Variants in OTOGL observed in about 807,000 individuals in gnomAD.
OTOGL encodes otogelin-like protein.
Under a neutral mutation model 318.5 loss-of-function variants are expected in OTOGL, and 285 were observed. That is an observed-to-expected ratio of 0.89 (90% CI 0.81 to 0.99). The LOEUF is 0.99. Among genes scored for constraint, OTOGL ranks in the 50% least tolerant of loss-of-function variants. The probability of loss-of-function intolerance (pLI) is 0.00; values close to 1 mark genes in which losing one functional copy is unlikely to be tolerated. For synonymous variants in OTOGL, 987 were observed against 936.5 expected (o/e 1.05, Z -0.99); for missense variants, 2,899 against 2,845.6 (o/e 1.02, Z -0.43).
intron 11 of OTOGL, among the ~76,000 whole-genome samples, chr12:80,250,023 TC>T (rs1407554802): frequency 6.6e-6 from 1 of 152,008 alleles, no homozygotes; most frequent in Non-Finnish European, 1.5e-5. Flanking sequence ...CTGCTTCGGC[TC>T]GCGCACGGTG....
At chr12:80,194,128 C>T (rs1246455168) in intron 1 of OTOGL, among the ~76,000 whole-genome samples, 1 of 152,174 alleles carries the variant, frequency 6.6e-6, no homozygotes, top group Non-Finnish European at 1.5e-5. Flanking sequence ...TCCCTAGATA[C>T]TCCTGTATAG....
chr12:80,159,520 T>G lies in OTOGL; in HGVS notation c.-19-49893T>G, dbSNP rs573552729. Reference sequence around the variant, plus strand: ...ATTTCAATCTTACTGCTTGTTATATTGTTCAAGGAATATACCTAACCAAGG... The same window carrying G: ...ATTTCAATCTTACTGCTTGTTATATGGTTCAAGGAATATACCTAACCAAGG... On this transcript the variant is annotated intron_variant, in intron 1 of 58. Transcript: ENST00000547103. Among the ~76,000 whole-genome samples, 14 of 151,864 alleles carry G rather than the reference T, an allele frequency of 9.2e-5. No individual in the cohort carries two copies. The East Asian group carries it at 2.7e-3, about 29-fold the overall frequency.
At chr12:80,148,787 A>G (rs150990311) in intron 1 of OTOGL, among the ~76,000 whole-genome samples, 9,848 of 151,776 alleles carry the variant, frequency 0.065, 1,008 homozygotes, top group African/African-American at 0.22. Context: ...TTCCCTTCTC[A>G]CTTCATTTCA....
intron 1 of OTOGL, among the ~76,000 whole-genome samples, chr12:80,135,202 C>T (rs1376490780): frequency 6.8e-6 from 1 of 147,948 alleles, no homozygotes. Flanking sequence ...ATTACCCTTT[C>T]TTGTAGTCCA....
chr12:80,344,425 C>T (rs898200609), intron 44 of OTOGL, among the ~76,000 whole-genome samples: 2 of 152,000 alleles, frequency 1.3e-5, no homozygotes, highest in African/African-American at 4.8e-5. Flanking sequence ...ATCTGTAATC[C>T]CAGTTATTCG....
rs141661459 is a variant in OTOGL, at chr12:80,136,448, T to C, written c.-20+36843T>C. The stretch of plus-strand genomic sequence containing the variant: ...TCTCCCTGCCATCCCCTGGTCCTCA[T>C]AGAATTTACTGTCCATGTAGTAGTA... On this transcript the variant is annotated intron_variant, in intron 1 of 58. Transcript: ENST00000547103. 1.3e-3 allele frequency among the ~76,000 whole-genome samples: 199 copies of C among 152,334 alleles called. 1 individual carries two copies. The highest frequency in any genetic ancestry group is 3.8e-3 in the Admixed American group (58 of 15,300).
Position 80,256,366 on chromosome 12 carries a change from A to T in OTOGL, c.1617A>T (p.Ile539=). Residue 539 remains isoleucine, a synonymous_variant, in exon 17 of 59, where the codon ATA becomes ATT. Coordinates refer to ENST00000547103, the MANE Select transcript of OTOGL (RefSeq NM_001378609.3). ...TTGGCTTGGTCTGCCTTCAGTCTAT[A>T]ACTCTGATTCTGGAGGATGATTTTA... is the stretch of plus-strand genomic sequence containing the variant. The part of the protein sequence containing the change: ...QNLGLVCLQS[I]TLILEDDFNK... 1 of 1,596,072 alleles carries T rather than the reference A, an allele frequency of 6.3e-7. No homozygotes were observed. Among genetic ancestry groups the T allele is most frequent in the South Asian group, 1.1e-5 (1 of 90,740 alleles).
intron 46 of OTOGL, among the ~76,000 whole-genome samples, chr12:80,353,770 G>A (rs1326468998): frequency 1.3e-5 from 2 of 152,154 alleles, no homozygotes; most frequent in Non-Finnish European, 2.9e-5. Context: ...AATTAAGAGT[G>A]TGGATTATGG....
intron 1 of OTOGL, among the ~76,000 whole-genome samples, chr12:80,141,128 G>A (rs747958326): frequency 2.6e-5 from 4 of 152,130 alleles, no homozygotes; most frequent in Non-Finnish European, 4.4e-5. Context: ...AAAGGAAAGG[G>A]CTGGTAATTA....
chr12:80,363,095 G>C (rs911681828), intron 52 of OTOGL, among the ~76,000 whole-genome samples: 3 of 152,188 alleles, frequency 2.0e-5, no homozygotes, highest in Non-Finnish European at 2.9e-5. Context: ...AGCATTAGAG[G>C]TGTGAGCCAC....
intron 12 of OTOGL, 108 bp from the exon 13 acceptor site, chr12:80,251,968 A>T: frequency 7.6e-7 from 1 of 1,321,730 alleles, no homozygotes; most frequent in Non-Finnish European, 9.9e-7. Context: ...TTTTGCAATT[A>T]AAAGTTATTT....
chr12:80,162,781 G>A (rs1304161381), intron 1 of OTOGL, among the ~76,000 whole-genome samples: 1 of 151,956 alleles, frequency 6.6e-6, no homozygotes, highest in African/African-American at 2.4e-5. Context: ...TTCAAATAAT[G>A]TTACTTTCTG....
At chr12:80,204,552 T>C (rs964485030) in intron 1 of OTOGL, among the ~76,000 whole-genome samples, 6 of 152,128 alleles carry the variant, frequency 3.9e-5, no homozygotes, top group African/African-American at 1.4e-4. Context: ...GTTGAAAAAG[T>C]AAGAAAGAAA....
At chr12:80,155,863 G>A (rs561376961) in intron 1 of OTOGL, among the ~76,000 whole-genome samples, 5 of 152,254 alleles carry the variant, frequency 3.3e-5, no homozygotes, top group African/African-American at 4.8e-5. Flanking sequence ...AAGTGAGAAC[G>A]TGTGATATTT....
Position 80,328,744 on chromosome 12 carries a change from T to C in OTOGL, c.4279T>C (p.Cys1427Arg), listed in dbSNP as rs1368850392. 3.1e-6 allele frequency: 5 copies of C among 1,588,906 alleles called. No individual in the cohort carries two copies. Among genetic ancestry groups the C allele is most frequent in the Non-Finnish European group, 4.3e-6 (5 of 1,157,970 alleles). The change falls in exon 36 of 59, where the codon TGT (cysteine) becomes CGT (arginine). Residue 1427 changes from cysteine to arginine, a missense_variant and splice_region_variant. Cys to Arg is a radical substitution (Grantham distance 180, BLOSUM62 -3). Transcript: ENST00000547103. ...VTLKCVYPRD[C>R]IPVIPTEPTL... ...CCTCAAGTGTGTTTATCCACGAGAC[T>C]GTAAGTGTGAACGTTGCTTAATTTA...
chr12:80,232,294 A>G (rs1317591104), intron 8 of OTOGL, among the ~76,000 whole-genome samples: 1 of 152,200 alleles, frequency 6.6e-6, no homozygotes, highest in African/African-American at 2.4e-5. Context: ...ACTTTGTGGC[A>G]TTAAATATGT....
intron 1 of OTOGL, among the ~76,000 whole-genome samples, chr12:80,119,330 T>C (rs1870350956): frequency 6.6e-6 from 1 of 152,224 alleles, no homozygotes; most frequent in Non-Finnish European, 1.5e-5. Flanking sequence ...CAGTCAATAG[T>C]TCACAGTCAG....
At chr12:80,372,118 A>C (rs1279980677) in intron 57 of OTOGL, 54 bp downstream of exon 57, 17 of 1,224,710 alleles carry the variant, frequency 1.4e-5, no homozygotes, top group East Asian at 8.2e-5. Context: ...TTAATTGCTC[A>C]TAGTGATTAT....
rs1404927446 is a variant in OTOGL at position 80,307,904 on chromosome 12, G to A, written c.3333+2209G>A. 4.4e-5 allele frequency among the ~76,000 whole-genome samples: 6 copies of A among 136,368 alleles called. No homozygotes were observed. In the East Asian group the frequency reaches 1.3e-3, roughly 29 times the overall value. 89.5% of individuals were successfully genotyped at this position (136,368 alleles called of 152,430 possible). On this transcript the variant is annotated intron_variant, in intron 29 of 58. Coordinates refer to ENST00000547103, the MANE Select transcript of OTOGL (RefSeq NM_001378609.3). ...ACCTCCCTCCCTCCCGGACGGGGCG[G>A]CTGGCCGGGCGGGGGCTGACCCCCC...
Sources: gnomAD v4.1 joint callset for allele counts (sites outside exome capture counted in the v4.1 genomes callset) on GRCh38, gnomAD v4.1.1 for gene constraint, MANE v1.5 for transcripts, NCBI Gene and HGNC (gene_info 2026-07-23, HGNC 2026-07-21) for gene names.